DROSHA: variants seen among roughly 807,000 people sequenced by gnomAD.
DROSHA encodes the protein ribonuclease 3.
A neutral mutation model predicts 181.9 loss-of-function variants in DROSHA; 56 were observed. The observed-to-expected ratio is 0.31, with a 90% confidence interval of 0.25 to 0.38. The LOEUF (loss-of-function observed/expected upper bound fraction) is 0.38, where lower values mean the gene tolerates loss of function less well. DROSHA is among the 10% of genes least tolerant of loss of function. The probability of loss-of-function intolerance (pLI) is 1.00; values close to 1 mark genes in which losing one functional copy is unlikely to be tolerated. For missense variants in DROSHA, 1,218 were observed against 1,743.5 expected (o/e 0.70, Z 5.37); for synonymous variants, 524 against 591.2 (o/e 0.89, Z 1.65).
intron 6 of DROSHA, among the ~76,000 whole-genome samples, chr5:31,519,470 C>T (rs1257478720): frequency 1.3e-5 from 2 of 152,106 alleles, no homozygotes; most frequent in Non-Finnish European, 2.9e-5. Flanking sequence ...AAGTGGGGGC[C>T]TTTGTTAATG....
Position 31,531,428 on chromosome 5 carries a change from A to G in DROSHA, c.-174+22T>C, listed in dbSNP as rs1215794430. On this transcript the variant is annotated intron_variant, in intron 2 of 35. Transcript: ENST00000344624. ...TGTTGTGGATGCAGACTTTAATTCAAAAGTCAAGGAATTCACTGCACCTGG... is the reference window on the plus strand; with the variant it reads ...TGTTGTGGATGCAGACTTTAATTCAGAAGTCAAGGAATTCACTGCACCTGG... 90 of 152,188 alleles carry G rather than the reference A, an allele frequency of 5.9e-4. 2 individuals are homozygous for G. Among genetic ancestry groups the G allele is most frequent in the Admixed American group, 5.7e-3 (87 of 15,282 alleles). 9.4% of individuals were successfully genotyped at this position (152,188 alleles called of 1,614,324 possible). A position where few individuals can be genotyped will look rare whatever the true frequency, so the allele number is the denominator to read the frequency against.
intron 11 of DROSHA, among the ~76,000 whole-genome samples, chr5:31,501,980 C>T (rs559030335): frequency 3.3e-5 from 5 of 152,282 alleles, no homozygotes; most frequent in South Asian, 2.1e-4. Flanking sequence ...AGGGGCCTGC[C>T]GCAGCCACAC....
intron 34 of DROSHA, 71 bp downstream of exon 34, chr5:31,406,782 G>A (rs2149985230): frequency 7.2e-7 from 1 of 1,385,648 alleles, no homozygotes; most frequent in African/African-American, 1.4e-5. Flanking sequence ...ACTGAGTTTG[G>A]AGATAGCAGC....
chr5:31,430,185 T>A lies in DROSHA; in HGVS notation c.3146-640A>T, dbSNP rs542589536. Among the ~76,000 whole-genome samples, 11 of 152,342 alleles carry A rather than the reference T, an allele frequency of 7.2e-5. No homozygotes were observed. In the East Asian group the frequency reaches 1.9e-3, roughly 27 times the overall value. ...AAAGGCTACTTTTCCATGTAAAATG[T>A]TAAGGCACTTAGTTACCAGGGCTTT... On this transcript the variant is annotated intron_variant, in intron 26 of 35. Transcript: ENST00000344624.
Position 31,521,143 on chromosome 5 carries a change from T to G in DROSHA, c.927A>C (p.Lys309Asn). The G allele has an allele frequency of 6.2e-7, 1 of 1,613,644 alleles. No homozygotes were observed. Among genetic ancestry groups the G allele is most frequent in the Non-Finnish European group, 8.5e-7 (1 of 1,179,630 alleles). Residue 309 changes from lysine to asparagine, a missense_variant, in exon 6 of 36, where the codon AAA (lysine) becomes AAC (asparagine). Around this residue, in one of 8 missense-constraint regions of DROSHA, gnomAD observed 536 missense variants for 535.4 expected, o/e 1.00. Transcript: ENST00000344624. Reference sequence around the variant, plus strand: ...CTTACCTTCCAGATCTCTTATACTCTTTTTTGTAGGACCTTTCCAGAGATG... The same window carrying G: ...CTTACCTTCCAGATCTCTTATACTCGTTTTTGTAGGACCTTTCCAGAGATG... ...RSPSLERSYKKEYKRSGRSYG... is the reference protein window; with the variant it reads ...RSPSLERSYKNEYKRSGRSYG...
intron 26 of DROSHA, 30 bp from the exon 27 acceptor site, chr5:31,429,575 G>C: frequency 6.3e-7 from 1 of 1,591,208 alleles, no homozygotes. Flanking sequence ...TGCCAAAAGA[G>C]AGTCTCCATC....
chr5:31,519,927 T>C (rs7700845), intron 6 of DROSHA, among the ~76,000 whole-genome samples: 3,116 of 152,312 alleles, frequency 0.02, 41 homozygotes, highest in Middle Eastern at 0.061. Context: ...ATATCCTAAT[T>C]CGTGTTTTTA....
rs1308819339 is a variant in DROSHA, at chr5:31,526,312, G to A, written c.621C>T (p.Leu207=). 1 of 1,613,938 alleles carries A rather than the reference G, an allele frequency of 6.2e-7. No homozygotes were observed. Among genetic ancestry groups the A allele is most frequent in the Non-Finnish European group, 8.5e-7 (1 of 1,179,888 alleles). Residue 207 remains leucine (L), a synonymous_variant, in exon 5 of 36, where the codon CTC becomes CTT. Coordinates refer to ENST00000344624, the MANE Select transcript of DROSHA (RefSeq NM_001382508.1). ...GAGCCTTTGGGAGTGGGTATGGAGG[G>A]AGATGTCTGAAATGAGGACTACTGC... ...NNSSSPHFRH[L]PPYPLPKAPS...
chr5:31,493,257 C>T lies in DROSHA; in HGVS notation c.1792G>A (p.Glu598Lys). The change falls in exon 13 of 36, where the codon GAG becomes AAG. Residue 598 changes from glutamate (E) to lysine (K), a missense_variant. Glu to Lys is a moderately conservative substitution (Grantham distance 56). Around this residue, in one of 8 missense-constraint regions of DROSHA, gnomAD observed 460 missense variants for 774.2 expected, o/e 0.59. Transcript: ENST00000344624. ...ATAGAAAATCCTTCAAAGATATACT[C>T]GTGATCATCGTATTCTATAACAGTT... ...RPTVIEYDDH[E>K]YIFEGFSMFA... 1 of 1,605,382 alleles carries T rather than the reference C, an allele frequency of 6.2e-7. No individual in the cohort carries two copies. Among genetic ancestry groups the T allele is most frequent in the Admixed American group, 1.7e-5 (1 of 58,818 alleles).
intron 16 of DROSHA, among the ~76,000 whole-genome samples, chr5:31,477,234 T>C (rs975721876): frequency 6.6e-6 from 1 of 152,208 alleles, no homozygotes; most frequent in African/African-American, 2.4e-5. Context: ...ATTATTTATA[T>C]GGTTATTTGG....
At chr5:31,412,644 T>C (rs1741450824) in intron 30 of DROSHA, among the ~76,000 whole-genome samples, 1 of 152,216 alleles carries the variant, frequency 6.6e-6, no homozygotes, top group Non-Finnish European at 1.5e-5. Flanking sequence ...TATGATTCTT[T>C]GCCTGTCTCT....
Position 31,435,767 on chromosome 5 carries a change from T to C in DROSHA, c.3040A>G (p.Lys1014Glu). 1 of 1,613,608 alleles carries C rather than the reference T, an allele frequency of 6.2e-7. No individual in the cohort carries two copies. The highest frequency in any genetic ancestry group is 8.5e-7 in the Non-Finnish European group (1 of 1,179,670). ...VQNQHLAMLA[K>E]KLELDRFMLY... is the part of the protein sequence containing the mutation. ...AATGCTGCAGATGTCTTCTATACCT[T>C]TGCTAGCATGGCAAGGTGCTGATTC... The change falls in exon 25 of 36, where the codon AAG becomes GAG. Residue 1014 changes from lysine to glutamate, a missense_variant and splice_region_variant. Lys to Glu is a moderately conservative substitution (Grantham distance 56). This residue lies in a region of DROSHA where 460 missense variants were observed against 774.2 expected (regional missense o/e 0.59). Transcript: ENST00000344624.
At chr5:31,444,782 A>T (rs1404122649) in intron 23 of DROSHA, among the ~76,000 whole-genome samples, 1 of 152,146 alleles carries the variant, frequency 6.6e-6, no homozygotes, top group Non-Finnish European at 1.5e-5. Flanking sequence ...TTCTTTTCTG[A>T]TCTTAGACTC....
intron 10 of DROSHA, among the ~76,000 whole-genome samples, chr5:31,507,357 G>A (rs1738101867): frequency 6.6e-6 from 1 of 152,018 alleles, no homozygotes; most frequent in Admixed American, 6.5e-5. Flanking sequence ...CTACTCAGGA[G>A]GCTGAGGCAG....
intron 10 of DROSHA, among the ~76,000 whole-genome samples, chr5:31,505,362 G>C (rs1481235699): frequency 6.6e-6 from 1 of 152,172 alleles, no homozygotes; most frequent in African/African-American, 2.4e-5. Flanking sequence ...AGTAGGTAAT[G>C]CTGGGGCGTC....
chr5:31,437,861 C>T (rs1163204984), intron 23 of DROSHA, among the ~76,000 whole-genome samples: 2 of 152,184 alleles, frequency 1.3e-5, no homozygotes. Context: ...ACTTAAGACA[C>T]TCAGTGTGCC....
chr5:31,491,710 T>A (rs55683003), intron 13 of DROSHA, among the ~76,000 whole-genome samples: 133,786 of 149,450 alleles, frequency 0.9, 60,497 homozygotes, highest in Non-Finnish European at 0.97. Context: ...AAAAAAAAAA[T>A]GCAAAGAAAT....
intron 20 of DROSHA, among the ~76,000 whole-genome samples, chr5:31,454,919 G>A (rs1311561224): frequency 1.6e-5 from 2 of 128,268 alleles, no homozygotes; most frequent in Non-Finnish European, 3.2e-5. Flanking sequence ...CAGCCTGGGC[G>A]ACAGAGAGAG....
intron 13 of DROSHA, among the ~76,000 whole-genome samples, chr5:31,490,844 C>T (rs1301170901): frequency 1.3e-5 from 2 of 152,162 alleles, no homozygotes; most frequent in Admixed American, 6.5e-5. Context: ...TTTTTATCAA[C>T]ATCTCTAATA....
Sources: gnomAD v4.1 joint callset for allele counts (sites outside exome capture counted in the v4.1 genomes callset) on GRCh38, gnomAD v4.1.1 for gene constraint, gnomAD v4.1.1 regional missense constraint, MANE v1.5 for transcripts, NCBI Gene and HGNC (gene_info 2026-07-23, HGNC 2026-07-21) for gene names.